DMD: variants seen among roughly 807,000 people sequenced by gnomAD.
DMD encodes the protein mutant dystrophin.
In DMD, 63 loss-of-function variants were observed where a neutral mutation model predicts 330.1. The ratio of observed to expected loss-of-function variants is 0.19; its 90% CI spans 0.16 to 0.24. DMD has a LOEUF of 0.24. Ranked by LOEUF, DMD falls within the 10% of genes least tolerant of loss-of-function variation. The probability of loss-of-function intolerance (pLI) is 1.00; values close to 1 mark genes in which losing one functional copy is unlikely to be tolerated. For missense variants in DMD, 3,344 were observed against 2,684.1 expected (o/e 1.25, Z -5.43); for synonymous variants, 1,223 against 959.8 (o/e 1.27, Z -5.07).
chrX:31,675,778 T>A (rs1037519880), intron 53 of DMD, among the ~76,000 whole-genome samples: 2 of 112,321 alleles, frequency 1.8e-5, no homozygotes, highest in Non-Finnish European at 3.8e-5. Context: ...TATTAAAAGA[T>A]GTTTAACAAC....
intron 2 of DMD, among the ~76,000 whole-genome samples, chrX:33,018,430 G>T (rs2093847001): frequency 9.0e-6 from 1 of 111,716 alleles, no homozygotes; most frequent in Non-Finnish European, 1.9e-5. Context: ...TTGCTCTGAG[G>T]CAGTGCTAAC....
intron 62 of DMD, among the ~76,000 whole-genome samples, chrX:31,278,737 G>C (rs1053420719): frequency 1.8e-5 from 2 of 111,904 alleles, no homozygotes; most frequent in African/African-American, 6.5e-5. Context: ...CTTGCAGTGA[G>C]ACCTAATTCA....
chrX:31,233,376 G>A (rs1390556408), intron 63 of DMD, among the ~76,000 whole-genome samples: 8 of 111,541 alleles, frequency 7.2e-5, no homozygotes, highest in African/African-American at 2.6e-4. Flanking sequence ...TCCCAGATTC[G>A]CCAGGGCAGA....
intron 60 of DMD, among the ~76,000 whole-genome samples, chrX:31,394,781 G>C (rs1232738036): frequency 9.0e-6 from 1 of 111,519 alleles, no homozygotes. Context: ...GCCACGGAGC[G>C]AGACTCTGTC....
rs1175532244 is a variant in DMD, at chrX:31,138,624, GGAGAGAGAGAGAGAGAGAGAGAGAGAGA to G, written c.10922-4458_10922-4431del. On this transcript the variant is annotated intron_variant, in intron 76 of 78. Coordinates refer to ENST00000357033, the MANE Select transcript of DMD (RefSeq NM_004006.3). ...GCAAGGCACCTCTTACATGGCAGCA[GGAGAGAGAGAGAGAGAGAGAGAGAGAGA>G]GAGAGAGAGAGAGAGAGAGAGAGAG... 9.7e-3 allele frequency among the ~76,000 whole-genome samples: 568 copies of G among 58,759 alleles called. 11 individuals are homozygous for G. The highest frequency in any genetic ancestry group is 0.028 in the Middle Eastern group (3 of 107). 51.0% of individuals were successfully genotyped at this position (58,759 alleles called of 115,157 possible).
chrX:32,831,734 G>T (rs1425677771), intron 4 of DMD, among the ~76,000 whole-genome samples: 1 of 107,810 alleles, frequency 9.3e-6, no homozygotes, highest in Non-Finnish European at 1.9e-5. Flanking sequence ...GAAAAAGACA[G>T]GTGACAAAGT....
rs756436013 is a variant in DMD, at chrX:32,560,036, A to G, written c.1992+5666T>C. On this transcript the variant is annotated intron_variant, in intron 16 of 78. Transcript: ENST00000357033. ...GTGCTCACAGTTGAGAATGTTGCAA[A>G]AATTGTTGTTAGCAATATAGCAAAA... 1.1e-4 allele frequency among the ~76,000 whole-genome samples: 12 copies of G among 111,125 alleles called. No homozygotes were observed. The Admixed American group carries it at 1.2e-3, about 11-fold the overall frequency.
At chrX:32,996,271 T>C (rs1602494755) in intron 2 of DMD, among the ~76,000 whole-genome samples, 1 of 110,125 alleles carries the variant, frequency 9.1e-6, no homozygotes, top group African/African-American at 3.3e-5. Flanking sequence ...GATAAAATAA[T>C]GAGAAAAAAA....
intron 52 of DMD, among the ~76,000 whole-genome samples, chrX:31,704,263 T>C (rs2084018834): frequency 8.9e-6 from 1 of 111,764 alleles, no homozygotes; most frequent in Non-Finnish European, 1.9e-5. Flanking sequence ...CTTGGGTTTA[T>C]GGGAAACAAA....
chrX:32,118,399 A>G (rs2096620178), intron 44 of DMD, among the ~76,000 whole-genome samples: 1 of 111,277 alleles, frequency 9.0e-6, no homozygotes, highest in Non-Finnish European at 1.9e-5. Context: ...TGAACAGAAC[A>G]TAACTCTCTG....
chrX:32,385,472 C>T (rs1261769395), intron 33 of DMD, among the ~76,000 whole-genome samples: 1 of 110,736 alleles, frequency 9.0e-6, no homozygotes, highest in African/African-American at 3.3e-5. Context: ...AGCTTCCTGA[C>T]ATTGTTCTGG....
At chrX:33,125,012 G>GAA (rs1220457466) in intron 1 of DMD, among the ~76,000 whole-genome samples, 1 of 62,007 alleles carries the variant, frequency 1.6e-5, no homozygotes, top group African/African-American at 6.8e-5. Context: ...CAACAAGAGC[G>GAA]AAAGTCCATC....
chrX:31,970,643 T>G (rs1286628577), intron 44 of DMD, among the ~76,000 whole-genome samples: 1 of 110,741 alleles, frequency 9.0e-6, no homozygotes, highest in South Asian at 3.8e-4. Flanking sequence ...GCCTGTGGTG[T>G]GCAATCTCCA....
At chrX:32,903,543 C>A (rs1601824532) in intron 2 of DMD, among the ~76,000 whole-genome samples, 1 of 111,530 alleles carries the variant, frequency 9.0e-6, no homozygotes, top group Non-Finnish European at 1.9e-5. Context: ...AAAATGCTCA[C>A]TCCCAGTCCC....
At chrX:32,879,192 T>G (rs1186240734) in intron 2 of DMD, among the ~76,000 whole-genome samples, 1 of 110,939 alleles carries the variant, frequency 9.0e-6, no homozygotes, top group African/African-American at 3.3e-5. Flanking sequence ...GTCTACTATC[T>G]TCCTTTTGGT....
intron 57 of DMD, among the ~76,000 whole-genome samples, chrX:31,492,787 A>C (rs1311543764): frequency 9.3e-6 from 1 of 107,810 alleles, no homozygotes; most frequent in East Asian, 3.0e-4. Flanking sequence ...CGAAAACCAA[A>C]CACTGCATGG....
At chrX:32,047,377 C>G (rs2096071482) in intron 44 of DMD, among the ~76,000 whole-genome samples, 1 of 111,260 alleles carries the variant, frequency 9.0e-6, no homozygotes, top group African/African-American at 3.3e-5. Flanking sequence ...TAACCACCTT[C>G]CAAGATAAGT....
intron 7 of DMD, among the ~76,000 whole-genome samples, chrX:32,739,389 CTA>C (rs2068941682): frequency 9.0e-6 from 1 of 111,339 alleles, no homozygotes; most frequent in Non-Finnish European, 1.9e-5. Flanking sequence ...GGGTAAATTT[CTA>C]TGAGTGCGCT....
In DMD at chrX:31,309,951, G is replaced by A. The variant is rs751324039; in HGVS notation, c.9224+13647C>T. 2.7e-5 allele frequency among the ~76,000 whole-genome samples: 3 copies of A among 111,143 alleles called. No homozygotes were observed. The South Asian group carries it at 1.1e-3, about 42-fold the overall frequency. The stretch of plus-strand genomic sequence containing the variant: ...AGGTTTATTTACAATAAGCTATCTA[G>A]CCAGGCCAGGTATACCCTACTAAAA... On this transcript the variant is annotated intron_variant, in intron 62 of 78. Coordinates refer to ENST00000357033, the MANE Select transcript of DMD (RefSeq NM_004006.3).
Sources: allele counts gnomAD v4.1 joint callset (sites outside exome capture counted in the v4.1 genomes callset), GRCh38; gene constraint gnomAD v4.1.1; transcripts MANE v1.5; gene names NCBI Gene and HGNC (gene_info 2026-07-23, HGNC 2026-07-21).